Variants in USP24 observed in about 807,000 individuals in gnomAD.
USP24 encodes the protein ubiquitin carboxyl-terminal hydrolase 24.
Under a neutral mutation model 361.6 loss-of-function variants are expected in USP24, and 97 were observed. The observed-to-expected ratio is 0.27, with a 90% CI of 0.23 to 0.32. The LOEUF (loss-of-function observed/expected upper bound fraction) is 0.32, where lower values mean the gene tolerates loss of function less well. USP24 is among the 10% of genes least tolerant of loss of function. The probability of loss-of-function intolerance (pLI) is 1.00; values close to 1 mark genes in which losing one functional copy is unlikely to be tolerated. For missense variants in USP24, 2,353 were observed against 3,165.6 expected, an observed-to-expected ratio of 0.74 and a Z score of 6.16; for synonymous variants, 1,098 against 1,124.6, an observed-to-expected ratio of 0.98 and a Z score of 0.47.
chr1:55,143,386 A>T (rs984726619), intron 21 of USP24, among the ~76,000 whole-genome samples: 2 of 152,224 alleles, frequency 1.3e-5, no homozygotes, highest in Non-Finnish European at 2.9e-5. Context: ...CAAACTGGAC[A>T]CACAGCCCAA....
At chr1:55,200,148 G>A (rs1052019273) in intron 1 of USP24, among the ~76,000 whole-genome samples, 1 of 152,182 alleles carries the variant, frequency 6.6e-6, no homozygotes, top group Non-Finnish European at 1.5e-5. Flanking sequence ...GATGTGGGTG[G>A]GGACACAGAG....
In USP24 at chr1:55,215,106, G is replaced by A; in HGVS notation, c.8C>T (p.Ser3Leu). 7.7e-7 allele frequency: 1 copy of A among 1,296,212 alleles called. No individual in the cohort carries two copies. Among genetic ancestry groups the A allele is most frequent in the Non-Finnish European group, 9.9e-7 (1 of 1,012,518 alleles). The allele number at this position is 1,296,212 out of a possible 1,614,324, so 80.3% of individuals were successfully genotyped here. A position where few individuals can be genotyped will look rare whatever the true frequency, so the allele number is the denominator to read the frequency against. ...CGTGGTCATGTGCTGCTCCTCCTCC[G>A]ATTCCATGGCTTGGGCCTCCTGGCC... ME[S>L]EEEQHMTTLL... The change falls in exon 1 of 68, where the codon TCG becomes TTG. Residue 3 changes from serine to leucine, a missense_variant. Ser to Leu is a moderately radical substitution (Grantham distance 145). Around this residue, in one of 8 missense-constraint regions of USP24, gnomAD observed 253 missense variants for 255.3 expected, o/e 0.99. Transcript: ENST00000294383.
chr1:55,073,722 A>G (rs781067676), intron 64 of USP24, 106 bp downstream of exon 64: 5 of 1,066,542 alleles, frequency 4.7e-6, no homozygotes, highest in Non-Finnish European at 7.0e-6. Context: ...GCCCTGACTG[A>G]GTCAGATTCT....
chr1:55,151,555 G>A (rs1570553011), intron 16 of USP24, among the ~76,000 whole-genome samples: 1 of 152,212 alleles, frequency 6.6e-6, no homozygotes. Context: ...ACAACTTAAG[G>A]AATATGCAGT....
At chr1:55,144,861 G>C (rs1646985718) in intron 20 of USP24, among the ~76,000 whole-genome samples, 1 of 152,166 alleles carries the variant, frequency 6.6e-6, no homozygotes, top group South Asian at 2.1e-4. Flanking sequence ...ATGAACCTGG[G>C]AAGTGGAGGT....
At chr1:55,140,186 T>C (rs1646848651) in intron 24 of USP24, among the ~76,000 whole-genome samples, 1 of 151,966 alleles carries the variant, frequency 6.6e-6, no homozygotes, top group South Asian at 2.1e-4. Context: ...CCACCAAATA[T>C]GAAATGATTC....
intron 17 of USP24, among the ~76,000 whole-genome samples, chr1:55,148,111 G>T (rs1227268199): frequency 1.3e-5 from 2 of 151,808 alleles, no homozygotes; most frequent in Admixed American, 6.6e-5. Flanking sequence ...ATACATTGAG[G>T]AAACTCTAGT....
chr1:55,117,742 C>CAAAAAAA (rs58149121), intron 38 of USP24, among the ~76,000 whole-genome samples: 50 of 66,628 alleles, frequency 7.5e-4, no homozygotes, highest in Middle Eastern at 0.029. Context: ...GACTCCGTCT[C>CAAAAAAA]AAAAAAAAAA....
chr1:55,214,906 G>A lies in USP24; in HGVS notation c.208C>T (p.Pro70Ser). ...GGPSPGPGGG[P>S]RGDGGGDGGG... ...CCGTCACCTCCGCCGTCGCCCCGCG[G>A]GCCCCCGCCGGGCCCGGGGCTGGGG... The change falls in exon 1 of 68, where the codon CCG becomes TCG. Residue 70 changes from proline to serine, a missense_variant. This residue lies in a region of USP24 where 253 missense variants were observed against 255.3 expected (regional missense o/e 0.99). Transcript: ENST00000294383. 7.8e-7 allele frequency: 1 copy of A among 1,283,938 alleles called. No homozygotes were observed. Among genetic ancestry groups the A allele is most frequent in the African/African-American group, 1.6e-5 (1 of 64,248 alleles). The allele number at this position is 1,283,938 out of a possible 1,614,324, so 79.5% of individuals were successfully genotyped here. A position where few individuals can be genotyped will look rare whatever the true frequency, so the allele number is the denominator to read the frequency against.
chr1:55,171,721 T>C (rs894055454), intron 4 of USP24, 43 bp from the exon 5 acceptor site: 18 of 1,561,440 alleles, frequency 1.2e-5, no homozygotes, highest in Admixed American at 1.9e-5. Context: ...TCTATTTCTA[T>C]AGCAACACAT....
rs1164853290 is a variant in USP24 at position 55,137,811 on chromosome 1, T to A, written c.3022A>T (p.Ser1008Cys). 1.9e-6 allele frequency: 3 copies of A among 1,581,906 alleles called. No individual in the cohort carries two copies. In the South Asian group the frequency reaches 3.5e-5, roughly 18 times the overall value. ...AACTGCTTATTTAAACCTACCAGGC[T>A]ATCATTTGTAAATATCTGTATATTA... ...VDNIQIFTND[S>C]LLTVNKDQKL... Residue 1008 changes from serine to cysteine, a missense_variant, in exon 27 of 68, where the codon AGC (serine) becomes TGC (cysteine). Transcript: ENST00000294383.
At chr1:55,150,554 T>C (rs557740306) in intron 16 of USP24, among the ~76,000 whole-genome samples, 9 of 152,242 alleles carry the variant, frequency 5.9e-5, no homozygotes, top group Non-Finnish European at 1.3e-4. Flanking sequence ...GATTACAAAA[T>C]TGGGACATAA....
chr1:55,131,378 C>CACTG (rs1646587333), intron 31 of USP24, among the ~76,000 whole-genome samples: 1 of 152,170 alleles, frequency 6.6e-6, no homozygotes, highest in Non-Finnish European at 1.5e-5. Flanking sequence ...CTTAATACTA[C>CACTG]ACTGAATGCT....
chr1:55,212,790 C>A (rs1288339309), intron 1 of USP24, among the ~76,000 whole-genome samples: 3 of 152,168 alleles, frequency 2.0e-5, no homozygotes, highest in Non-Finnish European at 4.4e-5. Context: ...GTAAACGGTG[C>A]AGCTTCCCTC....
intron 31 of USP24, among the ~76,000 whole-genome samples, chr1:55,130,314 C>CT (rs1646555427): frequency 6.6e-6 from 1 of 152,208 alleles, no homozygotes; most frequent in South Asian, 2.1e-4. Context: ...TTTCTCATCA[C>CT]TAAGTGAACA....
At chr1:55,124,376 TC>T (rs1359175058) in intron 35 of USP24, 92 bp downstream of exon 35, 4 of 1,438,598 alleles carry the variant, frequency 2.8e-6, no homozygotes, top group Admixed American at 2.2e-5. Context: ...GAAGAGGGTC[TC>T]CCATTTTTGT....
intron 1 of USP24, among the ~76,000 whole-genome samples, chr1:55,184,673 A>G (rs921216234): frequency 2.0e-5 from 3 of 152,252 alleles, no homozygotes; most frequent in Admixed American, 6.5e-5. Context: ...AAGATAGAGC[A>G]TATGTTAGGT....
At chr1:55,073,104 GAAGATGAA>G in intron 64 of USP24, 1 of 483,828 alleles carries the variant, frequency 2.1e-6, no homozygotes, top group East Asian at 3.3e-5. Context: ...TTCAGTTTCA[GAAGATGAA>G]AAGAGTTCTG....
intron 1 of USP24, among the ~76,000 whole-genome samples, chr1:55,183,917 G>A (rs947793360): frequency 2.6e-5 from 4 of 151,992 alleles, no homozygotes; most frequent in Non-Finnish European, 5.9e-5. Flanking sequence ...CAATACAACA[G>A]GAAGATAAAA....
Sources: gnomAD v4.1 joint callset for allele counts (sites outside exome capture counted in the v4.1 genomes callset) on GRCh38, gnomAD v4.1.1 for gene constraint, gnomAD v4.1.1 regional missense constraint, MANE v1.5 for transcripts, NCBI Gene and HGNC (gene_info 2026-07-23, HGNC 2026-07-21) for gene names.